The following NTN4 variants were observed in gnomAD, a reference collection of about 807,000 sequenced individuals.
NTN4 encodes the protein netrin 4.
In NTN4, 32 loss-of-function variants were observed where a neutral mutation model predicts 73.6. That is an observed-to-expected ratio of 0.44 (90% CI 0.33 to 0.58). NTN4 has a LOEUF of 0.58. NTN4 is among the 20% of genes least tolerant of loss of function. The probability of loss-of-function intolerance (pLI) is 0.04; values close to 1 mark genes in which losing one functional copy is unlikely to be tolerated. For missense variants in NTN4, 654 were observed against 798.3 expected (o/e 0.82, Z 2.18); for synonymous variants, 258 against 287.5 (o/e 0.90, Z 1.04).
chr12:95,737,398 G>A (rs556187210), intron 3 of NTN4, among the ~76,000 whole-genome samples: 26 of 142,412 alleles, frequency 1.8e-4, no homozygotes, highest in African/African-American at 5.4e-4. Context: ...TCTGCCTTAG[G>A]TGAAGAGGGG....
intron 2 of NTN4, among the ~76,000 whole-genome samples, chr12:95,744,934 CT>C (rs1176128336): frequency 1.4e-5 from 2 of 147,592 alleles, no homozygotes; most frequent in Admixed American, 6.9e-5. Flanking sequence ...TCTAAGTTGA[CT>C]TCTTTTTTTC....
chr12:95,693,495 G>A (rs2078417296), intron 5 of NTN4, among the ~76,000 whole-genome samples: 2 of 151,850 alleles, frequency 1.3e-5, no homozygotes, highest in South Asian at 2.1e-4. Flanking sequence ...CTTTGAGAGG[G>A]CGAGGCAGGC....
chr12:95,732,965 T>C (rs1323437594), intron 3 of NTN4, among the ~76,000 whole-genome samples: 5 of 152,220 alleles, frequency 3.3e-5, no homozygotes, highest in Admixed American at 3.3e-4. Flanking sequence ...CCCCATTATA[T>C]GGTTCCACAG....
intron 5 of NTN4, among the ~76,000 whole-genome samples, chr12:95,684,204 G>T (rs1011319082): frequency 1.3e-5 from 2 of 152,178 alleles, no homozygotes; most frequent in African/African-American, 4.8e-5. Flanking sequence ...GAGTTTCAGT[G>T]TAATACATAG....
intron 5 of NTN4, among the ~76,000 whole-genome samples, chr12:95,701,418 A>T (rs905918196): frequency 3.9e-5 from 6 of 151,986 alleles, no homozygotes; most frequent in South Asian, 2.1e-4. Context: ...CCTTTCAAAA[A>T]TTTTTTTTTC....
intron 5 of NTN4, among the ~76,000 whole-genome samples, chr12:95,698,903 T>C (rs1263256168): frequency 6.6e-6 from 1 of 152,002 alleles, no homozygotes; most frequent in Admixed American, 6.6e-5. Context: ...CTTTTTTTGA[T>C]GAATTTCAAT....
At chr12:95,726,862 C>T (rs985401717) in intron 3 of NTN4, among the ~76,000 whole-genome samples, 1 of 151,980 alleles carries the variant, frequency 6.6e-6, no homozygotes, top group Non-Finnish European at 1.5e-5. Context: ...CCCAGCTACT[C>T]AGAAGGCTGA....
intron 3 of NTN4, among the ~76,000 whole-genome samples, chr12:95,717,768 T>G (rs902206002): frequency 6.6e-6 from 1 of 152,080 alleles, no homozygotes; most frequent in Admixed American, 6.6e-5. Flanking sequence ...AATGGGATTA[T>G]GTATTTAAGG....
intron 2 of NTN4, among the ~76,000 whole-genome samples, chr12:95,749,699 G>T (rs368579895): frequency 6.6e-6 from 1 of 152,166 alleles, no homozygotes; most frequent in Non-Finnish European, 1.5e-5. Flanking sequence ...ACGCAGGGAC[G>T]CCTGCCTTGG....
At chr12:95,682,056 G>GTTTT (rs1349857597) in intron 7 of NTN4, among the ~76,000 whole-genome samples, 4 of 37,962 alleles carry the variant, frequency 1.1e-4, no homozygotes, top group African/African-American at 4.7e-4. Context: ...TATTCAGTAG[G>GTTTT]CTTTTTTTTT....
In NTN4 at chr12:95,787,365, G is replaced by C; in HGVS notation, c.159C>G (p.Cys53Trp). 3 of 1,614,188 alleles carry C rather than the reference G, an allele frequency of 1.9e-6. No individual in the cohort carries two copies. ...AGTACAGTTCGGTAGCATTCTGACC[G>C]CAGGTGGTGTCTGCCCAGAGTTTTC... Reference protein sequence around the residue: ...LGRKLWADTTCGQNATELYCF... With the variant: ...LGRKLWADTTWGQNATELYCF... Residue 53 changes from cysteine (C) to tryptophan (W), a missense_variant, in exon 2 of 10, where the codon TGC (cysteine) becomes TGG (tryptophan). Physicochemically the swap from Cys to Trp is radical, Grantham distance 215. Coordinates refer to ENST00000343702, the MANE Select transcript of NTN4 (RefSeq NM_021229.4).
chr12:95,769,519 C>T (rs566232781), intron 2 of NTN4, among the ~76,000 whole-genome samples: 3 of 145,394 alleles, frequency 2.1e-5, no homozygotes, highest in East Asian at 4.0e-4. Context: ...GAGATGCCAC[C>T]GCAGCCAGTG....
chr12:95,758,593 C>T (rs2078963110), intron 2 of NTN4, among the ~76,000 whole-genome samples: 1 of 151,926 alleles, frequency 6.6e-6, no homozygotes, highest in African/African-American at 2.4e-5. Context: ...CAGGGTTTTG[C>T]CCTGTCGCTT....
rs938551402 is a variant in NTN4 at position 95,706,649 on chromosome 12, C to T, written c.1180+3792G>A. ...GTTGGCAGTTAAGGCCCTCTCAAATCTAGCCCCAATCAATCCTCCAACGTT... is the reference window on the plus strand; with the variant it reads ...GTTGGCAGTTAAGGCCCTCTCAAATTTAGCCCCAATCAATCCTCCAACGTT... On this transcript the variant is annotated intron_variant, in intron 5 of 9. Transcript: ENST00000343702. Among the ~76,000 whole-genome samples, 8 of 152,198 alleles carry T rather than the reference C, an allele frequency of 5.3e-5. No homozygotes were observed. The South Asian group carries it at 6.2e-4, about 12-fold the overall frequency.
intron 5 of NTN4, among the ~76,000 whole-genome samples, chr12:95,694,734 T>C (rs2078428306): frequency 6.6e-6 from 1 of 152,234 alleles, no homozygotes; most frequent in African/African-American, 2.4e-5. Flanking sequence ...GGTACCCCTT[T>C]ACTATCCTAG....
chr12:95,708,580 A>C (rs2078538929), intron 5 of NTN4, among the ~76,000 whole-genome samples: 3 of 151,910 alleles, frequency 2.0e-5, no homozygotes, highest in Admixed American at 2.0e-4. Context: ...TTTTAAATAT[A>C]ATATTAAAAA....
At chr12:95,725,639 T>C (rs533420147) in intron 3 of NTN4, among the ~76,000 whole-genome samples, 1 of 152,282 alleles carries the variant, frequency 6.6e-6, no homozygotes, top group South Asian at 2.1e-4. Context: ...TTAAGATAAA[T>C]GAGCCCCTGA....
At chr12:95,782,318 C>G (rs184324808) in intron 2 of NTN4, among the ~76,000 whole-genome samples, 39 of 151,092 alleles carry the variant, frequency 2.6e-4, no homozygotes, top group African/African-American at 9.2e-4. Flanking sequence ...TTTTTTGAGA[C>G]AGAGTCTCAC....
rs559738869 is a variant in NTN4, at chr12:95,735,242, C to CT, written c.864+2623dup. ...AATTGCTTATGGGTTCTTTTTTCTT[C>CT]TTTTTTCTTTTTTCTAAAGAGAATA... On this transcript the variant is annotated intron_variant, in intron 3 of 9. Transcript: ENST00000343702. Among the ~76,000 whole-genome samples the CT allele has an allele frequency of 2.7e-4, 38 of 138,974 alleles. No homozygotes were observed. The South Asian group carries it at 8.8e-3, about 32-fold the overall frequency. The allele number at this position is 138,974 out of a possible 152,430, so 91.2% of individuals were successfully genotyped here. A position where few individuals can be genotyped will look rare whatever the true frequency, so the allele number is the denominator to read the frequency against.
Sources: gnomAD v4.1 joint callset for allele counts (sites outside exome capture counted in the v4.1 genomes callset) on GRCh38, gnomAD v4.1.1 for gene constraint, MANE v1.5 for transcripts, NCBI Gene and HGNC (gene_info 2026-07-23, HGNC 2026-07-21) for gene names.